FRK: variants seen among roughly 807,000 people sequenced by gnomAD.
FRK encodes fyn related Src family tyrosine kinase.
FRK carries 51 observed loss-of-function variants against 56.4 expected under a neutral mutation model. That is an observed-to-expected ratio of 0.90 (90% CI 0.72 to 1.14). The LOEUF is 1.14. Ranked by LOEUF, FRK falls within the 50% of genes most tolerant of loss-of-function variation. The probability of loss-of-function intolerance (pLI) is 0.00; values close to 1 mark genes in which losing one functional copy is unlikely to be tolerated. For missense variants in FRK, 570 were observed against 601.4 expected (o/e 0.95, Z 0.55); for synonymous variants, 245 against 217.9 (o/e 1.12, Z -1.10).
intron 2 of FRK, among the ~76,000 whole-genome samples, chr6:115,970,625 G>A (rs1024331506): frequency 3.9e-5 from 6 of 152,232 alleles, no homozygotes; most frequent in Non-Finnish European, 8.8e-5. Flanking sequence ...TAAGCTGGGC[G>A]TGGTGGCTCA....
intron 1 of FRK, among the ~76,000 whole-genome samples, chr6:116,015,683 C>G (rs1003889452): frequency 2.6e-5 from 4 of 152,112 alleles, no homozygotes; most frequent in Non-Finnish European, 5.9e-5. Flanking sequence ...CTCAGTTGGT[C>G]TCAGATAGAA....
At chr6:116,033,721 G>C (rs545092377) in intron 1 of FRK, among the ~76,000 whole-genome samples, 10 of 152,262 alleles carry the variant, frequency 6.6e-5, no homozygotes, top group African/African-American at 2.4e-4. Context: ...CTCTAAGTCA[G>C]AGAGAAAACT....
chr6:115,999,086 C>T (rs1051276196), intron 2 of FRK, among the ~76,000 whole-genome samples: 5 of 152,100 alleles, frequency 3.3e-5, no homozygotes, highest in Non-Finnish European at 7.4e-5. Context: ...AATACTAATG[C>T]TTATAGAATA....
chr6:115,949,011 G>A (rs1033983463), intron 5 of FRK, among the ~76,000 whole-genome samples: 6 of 152,134 alleles, frequency 3.9e-5, no homozygotes, highest in Non-Finnish European at 1.5e-5. Context: ...TTCCTTGTAA[G>A]TTGTATTCCT....
At chr6:115,985,171 C>G (rs1253775791) in intron 2 of FRK, among the ~76,000 whole-genome samples, 6 of 152,086 alleles carry the variant, frequency 3.9e-5, no homozygotes, top group Non-Finnish European at 8.8e-5. Context: ...CCTGCAGGAT[C>G]ATGGTGAAGA....
intron 1 of FRK, among the ~76,000 whole-genome samples, chr6:116,012,219 G>C (rs542928998): frequency 1.3e-5 from 2 of 152,200 alleles, no homozygotes; most frequent in South Asian, 4.2e-4. Flanking sequence ...ACCACCACTA[G>C]ATTTATCATC....
At chr6:116,039,012 A>G in intron 1 of FRK, 1 of 734,152 alleles carries the variant, frequency 1.4e-6, no homozygotes, top group Non-Finnish European at 2.6e-6. Flanking sequence ...CAAAGACTGC[A>G]AAGCCAATCG....
chr6:115,938,143 C>T lies in FRK; in HGVS notation c.*4271G>A, dbSNP rs1378802679. On this transcript the variant is annotated 3_prime_UTR_variant, in exon 8 of 8. Coordinates refer to ENST00000606080, the MANE Select transcript of FRK (RefSeq NM_002031.3). ...ACAAACAGTCTCTAAGACCACAGTG[C>T]AATCAAATTAGAACTCAGGATTAAA... 6.6e-6 allele frequency: 1 copy of T among 152,150 alleles called. No individual in the cohort carries two copies. Among genetic ancestry groups the T allele is most frequent in the African/African-American group, 2.4e-5 (1 of 41,420 alleles). The allele number at this position is 152,150 out of a possible 1,614,324, so 9.4% of individuals were successfully genotyped here.
intron 2 of FRK, among the ~76,000 whole-genome samples, chr6:115,990,811 T>C (rs1774573857): frequency 6.6e-6 from 1 of 152,040 alleles, no homozygotes; most frequent in Non-Finnish European, 1.5e-5. Context: ...CTGTGAAATA[T>C]GACATTGGTA....
chr6:116,094,656 C>T, the FRK span, among the ~76,000 whole-genome samples: 1 of 152,194 alleles, frequency 6.6e-6, no homozygotes, highest in South Asian at 2.1e-4. Context: ...CAGTCTTACA[C>T]TACCAAAGCC....
chr6:115,946,463 T>A (rs1470880514), intron 5 of FRK, among the ~76,000 whole-genome samples: 6 of 151,944 alleles, frequency 3.9e-5, no homozygotes. Context: ...ACTCAATAAA[T>A]CCTATCTATT....
chr6:116,063,625 G>T (rs1777693828), upstream of FRK, among the ~76,000 whole-genome samples: 3 of 152,146 alleles, frequency 2.0e-5, no homozygotes, highest in South Asian at 6.2e-4. Flanking sequence ...AGGAATAAAT[G>T]ATAAGTATTC....
chr6:116,026,185 T>C (rs992915090), intron 1 of FRK, among the ~76,000 whole-genome samples: 2 of 152,110 alleles, frequency 1.3e-5, no homozygotes, highest in African/African-American at 4.8e-5. Flanking sequence ...TTCATGACAG[T>C]ACCCATAGAA....
intron 5 of FRK, among the ~76,000 whole-genome samples, chr6:115,949,472 T>C (rs546376072): frequency 4.9e-4 from 75 of 152,202 alleles, no homozygotes; most frequent in Non-Finnish European, 7.8e-4. Context: ...ATACCTAGTT[T>C]ACTGAGTGTT....
chr6:115,973,329 G>A (rs1442358932), intron 2 of FRK, among the ~76,000 whole-genome samples: 1 of 152,098 alleles, frequency 6.6e-6, no homozygotes, highest in African/African-American at 2.4e-5. Context: ...AACACCGCAT[G>A]TTCTCACTCA....
chr6:115,980,756 G>A (rs1165547842), intron 2 of FRK, among the ~76,000 whole-genome samples: 1 of 152,054 alleles, frequency 6.6e-6, no homozygotes, highest in African/African-American at 2.4e-5. Context: ...AAGAACTCAT[G>A]AACTCATTTC....
chr6:116,035,119 T>C (rs1163680904), intron 1 of FRK, among the ~76,000 whole-genome samples: 1 of 152,002 alleles, frequency 6.6e-6, no homozygotes, highest in Non-Finnish European at 1.5e-5. Flanking sequence ...AATAGGACCC[T>C]GAGTATAGGC....
intron 5 of FRK, among the ~76,000 whole-genome samples, chr6:115,952,186 A>T (rs200410359): frequency 1.3e-4 from 20 of 151,296 alleles, no homozygotes; most frequent in Non-Finnish European, 2.1e-4. Context: ...TCTTTAGTTT[A>T]ATTAGATCCC....
the FRK span, among the ~76,000 whole-genome samples, chr6:116,100,477 A>G: frequency 0.025 from 3,731 of 152,254 alleles, 146 homozygotes; most frequent in African/African-American, 0.084. Context: ...ACAGGGGTAA[A>G]AGGTCAGGTC....
Sources: allele counts gnomAD v4.1 joint callset (sites outside exome capture counted in the v4.1 genomes callset), GRCh38; gene constraint gnomAD v4.1.1; transcripts MANE v1.5; gene names NCBI Gene and HGNC (gene_info 2026-07-23, HGNC 2026-07-21).